Variants in RNF38 observed in about 807,000 individuals in gnomAD.
RNF38 encodes the protein E3 ubiquitin-protein ligase RNF38.
Under a neutral mutation model 67.2 loss-of-function variants are expected in RNF38, and 15 were observed. That is an observed-to-expected ratio of 0.22 (90% confidence interval 0.15 to 0.34). The LOEUF (loss-of-function observed/expected upper bound fraction) is 0.34. Ranked by LOEUF, RNF38 falls within the 10% of genes least tolerant of loss-of-function variation. RNF38 has a pLI of 1.00. For missense variants in RNF38, 524 were observed against 639.9 expected (o/e 0.82, Z 1.95); for synonymous variants, 220 against 218.8 (o/e 1.01, Z -0.05).
At position 36,353,193 on chromosome 9, in the gene RNF38, G is replaced by A. The variant is rs1472292414; in HGVS notation, c.1048C>T (p.His350Tyr). ...PLQFLTHDPL[H>Y]QEVSFGVPYP... ...ACTACTCCAAAGGACACCTCCTGAT[G>A]CAAAGGATCATGTGTTAAGAACTGC... is the stretch of plus-strand genomic sequence containing the variant. The change falls in exon 7 of 12, where the codon CAT becomes TAT. Residue 350 changes from histidine (H) to tyrosine (Y), a missense_variant. Physicochemically the swap from His to Tyr is moderately conservative, Grantham distance 83. This residue lies in a region of RNF38 where 461 missense variants were observed against 517.4 expected (regional missense o/e 0.89). Coordinates refer to ENST00000259605, the MANE Select transcript of RNF38 (RefSeq NM_022781.5). 3 of 1,614,022 alleles carry A rather than the reference G, an allele frequency of 1.9e-6. No homozygotes were observed. The highest frequency in any genetic ancestry group is 1.3e-5 in the African/African-American group (1 of 75,034).
chr9:36,479,078 G>A (rs561417341), intron 1 of RNF38, among the ~76,000 whole-genome samples: 6 of 152,078 alleles, frequency 3.9e-5, no homozygotes, highest in Non-Finnish European at 7.3e-5. Flanking sequence ...ACTTAAACAC[G>A]TTCCTGTCAC....
intron 2 of RNF38, among the ~76,000 whole-genome samples, chr9:36,416,740 A>ATTT (rs1491451376): frequency 7.0e-4 from 51 of 72,986 alleles, no homozygotes; most frequent in African/African-American, 1.1e-3. Context: ...TGCTGCCTCG[A>ATTT]TATTTTTTTT....
chr9:36,470,295 G>A (rs1587199709), intron 1 of RNF38, among the ~76,000 whole-genome samples: 1 of 152,054 alleles, frequency 6.6e-6, no homozygotes, highest in South Asian at 2.1e-4. Context: ...AGATCCCCCT[G>A]GTCTACCTCA....
At chr9:36,371,112 G>A (rs1006096847) in intron 3 of RNF38, among the ~76,000 whole-genome samples, 2 of 152,022 alleles carry the variant, frequency 1.3e-5, no homozygotes, top group Admixed American at 1.3e-4. Context: ...CTCTACATTG[G>A]GCAAAGGAGG....
intron 2 of RNF38, among the ~76,000 whole-genome samples, chr9:36,389,907 G>A (rs892777773): frequency 2.0e-5 from 3 of 152,146 alleles, no homozygotes; most frequent in Non-Finnish European, 2.9e-5. Context: ...GGTAGCCAAT[G>A]ATTTCTATGG....
intron 2 of RNF38, among the ~76,000 whole-genome samples, chr9:36,421,547 C>A (rs989129146): frequency 7.2e-5 from 11 of 152,250 alleles, no homozygotes; most frequent in African/African-American, 2.6e-4. Context: ...CCTGTAATCC[C>A]AGCTACTCGG....
chr9:36,478,262 G>A (rs983891903), intron 1 of RNF38, among the ~76,000 whole-genome samples: 3 of 151,516 alleles, frequency 2.0e-5, no homozygotes, highest in African/African-American at 7.3e-5. Flanking sequence ...AAATTACCCG[G>A]GCGTGGTAGC....
In RNF38 at chr9:36,361,351, G is replaced by C. The variant is rs989939335; in HGVS notation, c.571-3409C>G. On this transcript the variant is annotated intron_variant, in intron 4 of 11. Transcript: ENST00000259605. ...TGTATTTTTTGTATTTTTTAGTAGA[G>C]ACAGGGTTTCACCGTGTTAGCCAGG... Among the ~76,000 whole-genome samples the C allele has an allele frequency of 1.9e-4, 28 of 150,570 alleles. 1 individual carries two copies. The highest frequency in any genetic ancestry group is 8.8e-5 in the Non-Finnish European group (6 of 67,954).
chr9:36,474,314 A>G (rs1276323515), intron 1 of RNF38, among the ~76,000 whole-genome samples: 3 of 145,628 alleles, frequency 2.1e-5, no homozygotes, highest in Non-Finnish European at 1.5e-5. Flanking sequence ...CTCCGTCTCA[A>G]AAAAAAGAAA....
chr9:36,467,769 G>A (rs1294164429), intron 1 of RNF38, among the ~76,000 whole-genome samples: 2 of 152,206 alleles, frequency 1.3e-5, no homozygotes, highest in Admixed American at 1.3e-4. Context: ...CCACCTCTGG[G>A]ATTATAGTGG....
intron 1 of RNF38, among the ~76,000 whole-genome samples, chr9:36,425,313 C>T (rs973884136): frequency 2.0e-5 from 3 of 152,010 alleles, no homozygotes; most frequent in Non-Finnish European, 1.5e-5. Flanking sequence ...TTGGTTTGTA[C>T]TTCATACCAT....
chr9:36,341,814 A>G, intron 11 of RNF38, among the ~76,000 whole-genome samples: 1 of 1,538 alleles, frequency 6.5e-4, no homozygotes, highest in Admixed American at 6.8e-3. Context: ...ATATATATAT[A>G]TATATATATA....
intron 1 of RNF38, among the ~76,000 whole-genome samples, chr9:36,466,585 TCAAA>T (rs1329631292): frequency 1.3e-5 from 2 of 152,170 alleles, no homozygotes; most frequent in East Asian, 3.8e-4. Context: ...ATTTCGTATG[TCAAA>T]CAAATGTTTC....
At chr9:36,365,968 A>C (rs1297687124) in intron 4 of RNF38, among the ~76,000 whole-genome samples, 1 of 152,098 alleles carries the variant, frequency 6.6e-6, no homozygotes, top group East Asian at 1.9e-4. Flanking sequence ...CCTGGCCAAG[A>C]CTGATAGTTA....
At chr9:36,401,785 G>T (rs944330778), upstream of RNF38, among the ~76,000 whole-genome samples, 72 of 152,342 alleles carry the variant, frequency 4.7e-4, no homozygotes, top group African/African-American at 1.5e-3. Flanking sequence ...GCAGAAATTA[G>T]ATGTTTCCCG....
At chr9:36,400,682 C>A (rs966922189), upstream of RNF38, 5 of 985,838 alleles carry the variant, frequency 5.1e-6, no homozygotes, top group African/African-American at 1.7e-5. Context: ...CCTCCTCACC[C>A]CCGGAACCCC....
chr9:36,435,757 GTA>G (rs765580948), intron 1 of RNF38, among the ~76,000 whole-genome samples: 11 of 151,988 alleles, frequency 7.2e-5, no homozygotes, highest in Non-Finnish European at 1.6e-4. Context: ...AGCCTCCCGA[GTA>G]GCTGGGACCA....
rs1224021495 is a variant in RNF38, at chr9:36,480,536, TTTTTTC to T, written n.241+6766_241+6771del. Among the ~76,000 whole-genome samples the T allele has an allele frequency of 1.4e-3, 208 of 144,816 alleles. 1 individual carries two copies. Among genetic ancestry groups the T allele is most frequent in the African/African-American group, 4.4e-3 (174 of 39,396 alleles). ...CTGCTTGCTATTCTATGTATACAGT[TTTTTTC>T]TTTTTCTTTTTTTTTTTTTTTTTTT... On this transcript the variant is annotated intron_variant and non_coding_transcript_variant, in intron 1 of 3. Transcript: ENST00000488058.
At chr9:36,343,313 C>T (rs1347124894) in intron 10 of RNF38, among the ~76,000 whole-genome samples, 2 of 152,084 alleles carry the variant, frequency 1.3e-5, no homozygotes, top group Non-Finnish European at 2.9e-5. Context: ...TTTTATTATT[C>T]TATTCCTCAG....
Sources: allele counts gnomAD v4.1 joint callset (sites outside exome capture counted in the v4.1 genomes callset), GRCh38; gene constraint gnomAD v4.1.1; regional missense constraint gnomAD v4.1.1; transcripts MANE v1.5; gene names NCBI Gene and HGNC (gene_info 2026-07-23, HGNC 2026-07-21).